The following IQGAP2 variants were observed in gnomAD, a reference collection of about 807,000 sequenced individuals.
IQGAP2 encodes the protein ras GTPase-activating-like protein IQGAP2.
Under a neutral mutation model 201.3 loss-of-function variants are expected in IQGAP2, and 173 were observed. The observed-to-expected ratio is 0.86, with a 90% CI of 0.76 to 0.98. The LOEUF is 0.98. Ranked by LOEUF, IQGAP2 falls within the 50% of genes least tolerant of loss-of-function variation. IQGAP2 has a pLI of 0.00. For synonymous variants in IQGAP2, 675 were observed against 673.9 expected (o/e 1.00, Z -0.03); for missense variants, 1,687 against 1,864.8 (o/e 0.90, Z 1.76).
chr5:76,408,744 A>G (rs1213568033), intron 1 of IQGAP2, among the ~76,000 whole-genome samples: 5 of 152,172 alleles, frequency 3.3e-5, no homozygotes, highest in Non-Finnish European at 7.3e-5. Flanking sequence ...CCTGGGCAAC[A>G]TAGTAAGATC....
chr5:76,419,663 C>CT (rs1580151352), intron 1 of IQGAP2, among the ~76,000 whole-genome samples: 1 of 112,594 alleles, frequency 8.9e-6, no homozygotes, highest in Non-Finnish European at 2.0e-5. Flanking sequence ...TTTTCTTTTT[C>CT]TTTTCTTTTC....
intron 12 of IQGAP2, chr5:76,608,229 G>C (rs1747968520): frequency 6.6e-6 from 1 of 152,140 alleles, no homozygotes; most frequent in Admixed American, 6.5e-5. Context: ...TTCTCCCTAG[G>C]ACATTTCACA....
chr5:76,597,685 A>G, intron 10 of IQGAP2, 83 bp downstream of exon 10: 1 of 1,430,450 alleles, frequency 7.0e-7, no homozygotes, highest in Non-Finnish European at 9.7e-7. Context: ...GGAAAGGGGA[A>G]TAGGGATCGG....
At chr5:76,611,304 A>G (rs1032179038) in intron 13 of IQGAP2, 121 bp downstream of exon 13, 3 of 655,586 alleles carry the variant, frequency 4.6e-6, no homozygotes, top group African/African-American at 1.8e-5. Context: ...ACAATTACCC[A>G]TGAATCAGAA....
At chr5:76,549,345 G>GTGTT (rs1298498166) in intron 2 of IQGAP2, among the ~76,000 whole-genome samples, 2 of 151,734 alleles carry the variant, frequency 1.3e-5, no homozygotes, top group Non-Finnish European at 2.9e-5. Context: ...GTGTGTGTGT[G>GTGTT]TGCTTTCAAC....
chr5:76,412,617 C>T (rs6453217), intron 1 of IQGAP2, among the ~76,000 whole-genome samples: 65,879 of 152,058 alleles, frequency 0.43, 15,054 homozygotes, highest in Non-Finnish European at 0.5. Context: ...ATACTTATGC[C>T]TAGATTCAGT....
At chr5:76,491,771 C>A (rs780091535) in intron 2 of IQGAP2, among the ~76,000 whole-genome samples, 1 of 152,180 alleles carries the variant, frequency 6.6e-6, no homozygotes, top group Non-Finnish European at 1.5e-5. Context: ...AAAGCAAGTA[C>A]CCTGTGGTTC....
intron 2 of IQGAP2, among the ~76,000 whole-genome samples, chr5:76,462,654 A>G (rs1250767685): frequency 6.6e-6 from 1 of 152,166 alleles, no homozygotes; most frequent in Non-Finnish European, 1.5e-5. Flanking sequence ...ACTTGGTTAA[A>G]TGGTCACTGG....
At chr5:76,533,128 C>G (rs1377452426) in intron 2 of IQGAP2, among the ~76,000 whole-genome samples, 2 of 152,138 alleles carry the variant, frequency 1.3e-5, no homozygotes, top group African/African-American at 2.4e-5. Flanking sequence ...GGAGCTTAAG[C>G]CTAGTTCTTA....
chr5:76,405,319 CA>C (rs933184703), intron 1 of IQGAP2, among the ~76,000 whole-genome samples: 3 of 152,328 alleles, frequency 2.0e-5, no homozygotes, highest in African/African-American at 7.2e-5. Context: ...AAGCCCACTC[CA>C]CAGGGCCGCT....
Position 76,618,018 on chromosome 5 carries a change from A to G in IQGAP2, c.1521+6835A>G, listed in dbSNP as rs370009111. The G allele has an allele frequency of 1.2e-5, 20 of 1,614,198 alleles. No individual in the cohort carries two copies. Among genetic ancestry groups the G allele is most frequent in the Admixed American group, 1.7e-5 (1 of 60,030 alleles). ...AACAAGATAATATTCCTGCTTCAGT[A>G]TGAAAAATGGCAGCATATATAAGAA... is the stretch of plus-strand genomic sequence containing the variant. On this transcript the variant is annotated intron_variant, in intron 13 of 35. Coordinates refer to ENST00000274364, the MANE Select transcript of IQGAP2 (RefSeq NM_006633.5).
chr5:76,652,072 G>A (rs1205928183), intron 17 of IQGAP2, among the ~76,000 whole-genome samples: 1 of 152,094 alleles, frequency 6.6e-6, no homozygotes, highest in African/African-American at 2.4e-5. Flanking sequence ...TAAATGAATT[G>A]GAATAAACTG....
intron 2 of IQGAP2, among the ~76,000 whole-genome samples, chr5:76,544,228 C>T (rs1419138858): frequency 6.6e-6 from 1 of 152,120 alleles, no homozygotes; most frequent in East Asian, 1.9e-4. Flanking sequence ...AAGATAAGAA[C>T]CTTCATTTGA....
At chr5:76,646,817 AT>A (rs1752075834) in intron 17 of IQGAP2, among the ~76,000 whole-genome samples, 1 of 152,068 alleles carries the variant, frequency 6.6e-6, no homozygotes, top group Non-Finnish European at 1.5e-5. Flanking sequence ...TACCATTATA[AT>A]TTTATTCCTT....
intron 15 of IQGAP2, among the ~76,000 whole-genome samples, chr5:76,632,802 G>A (rs1412840344): frequency 7.3e-6 from 1 of 137,496 alleles, no homozygotes. Context: ...GGCCTTAGAA[G>A]TAGAGCTTAA....
intron 2 of IQGAP2, among the ~76,000 whole-genome samples, chr5:76,464,897 A>G (rs1160854136): frequency 6.6e-6 from 1 of 152,196 alleles, no homozygotes; most frequent in Admixed American, 6.5e-5. Flanking sequence ...ACTAATATAA[A>G]CAGAATGAGA....
intron 8 of IQGAP2, among the ~76,000 whole-genome samples, chr5:76,591,608 T>C (rs1366381269): frequency 6.6e-6 from 1 of 152,210 alleles, no homozygotes; most frequent in East Asian, 1.9e-4. Flanking sequence ...TACCTTGAGA[T>C]TCTCTGCTTC....
At chr5:76,646,348 A>T (rs1182552141) in intron 17 of IQGAP2, among the ~76,000 whole-genome samples, 2 of 152,168 alleles carry the variant, frequency 1.3e-5, no homozygotes, top group Admixed American at 6.5e-5. Flanking sequence ...TTAATTTAAA[A>T]TTTTTTATTT....
At chr5:76,682,273 A>G (rs1054923720) in intron 28 of IQGAP2, among the ~76,000 whole-genome samples, 6 of 152,224 alleles carry the variant, frequency 3.9e-5, no homozygotes, top group African/African-American at 1.4e-4. Flanking sequence ...AACTAGCTTT[A>G]TCATTATGAT....
Sources: gnomAD v4.1 joint callset for allele counts (sites outside exome capture counted in the v4.1 genomes callset) on GRCh38, gnomAD v4.1.1 for gene constraint, MANE v1.5 for transcripts, NCBI Gene and HGNC (gene_info 2026-07-23, HGNC 2026-07-21) for gene names.